Variants in RAB31 observed in about 807,000 individuals in gnomAD.
RAB31 encodes the protein RAB31, member RAS oncogene family.
Under a neutral mutation model 25.6 loss-of-function variants are expected in RAB31, and 21 were observed. The ratio of observed to expected loss-of-function variants is 0.82; its 90% CI spans 0.58 to 1.18. RAB31 has a LOEUF of 1.18. Ranked by LOEUF, RAB31 falls within the 50% of genes most tolerant of loss-of-function variation. The pLI, the probability that RAB31 is intolerant of heterozygous loss-of-function variation, is 0.00. For missense variants in RAB31, 196 were observed against 250.1 expected (o/e 0.78, Z 1.46); for synonymous variants, 87 against 84.0 (o/e 1.04, Z -0.20).
chr18:9,819,035 A>T lies in RAB31; in HGVS notation c.380+3813A>T, dbSNP rs140138613. Among the ~76,000 whole-genome samples, 182 of 152,322 alleles carry T rather than the reference A, an allele frequency of 1.2e-3. 2 individuals are homozygous for T. Among genetic ancestry groups the T allele is most frequent in the African/African-American group, 4.3e-3 (177 of 41,594 alleles). On this transcript the variant is annotated intron_variant, in intron 5 of 6. Transcript: ENST00000578921. ...TATGTATTCTGAATAAAAGTCTCTTATCAAACATGTAATTCGCAAATATTT... is the reference window on the plus strand; with the variant it reads ...TATGTATTCTGAATAAAAGTCTCTTTTCAAACATGTAATTCGCAAATATTT...
intron 1 of RAB31, among the ~76,000 whole-genome samples, chr18:9,757,545 T>C (rs1363610923): frequency 6.6e-6 from 1 of 152,170 alleles, no homozygotes; most frequent in African/African-American, 2.4e-5. Context: ...AGTCCAGAAC[T>C]CTATGGAGAA....
At chr18:9,757,325 A>G (rs1010393789) in intron 1 of RAB31, among the ~76,000 whole-genome samples, 2 of 152,198 alleles carry the variant, frequency 1.3e-5, no homozygotes, top group Admixed American at 1.3e-4. Flanking sequence ...GACATGGAGC[A>G]GGTGCCTGCG....
At chr18:9,853,297 TTAAAA>T (rs1184725442) in intron 6 of RAB31, among the ~76,000 whole-genome samples, 12 of 152,072 alleles carry the variant, frequency 7.9e-5, no homozygotes, top group Non-Finnish European at 1.3e-4. Flanking sequence ...TTTCTAAATG[TTAAAA>T]TAAAAAAAAT....
intron 6 of RAB31, among the ~76,000 whole-genome samples, chr18:9,856,831 AC>A (rs957648129): frequency 1.3e-5 from 2 of 152,194 alleles, no homozygotes; most frequent in Non-Finnish European, 1.5e-5. Context: ...CGACACTGTC[AC>A]CCCTTTCTCT....
intron 1 of RAB31, among the ~76,000 whole-genome samples, chr18:9,740,818 A>G (rs58646923): frequency 0.013 from 1,984 of 152,302 alleles, 43 homozygotes; most frequent in African/African-American, 0.045. Context: ...AAGGGGGTAA[A>G]CAGAAAAACA....
Position 9,859,137 on chromosome 18 carries a change from A to ACATATT in RAB31, c.491-91_491-90insCATATT, listed in dbSNP as rs1555611664. 4.7e-5 allele frequency: 50 copies of ACATATT among 1,072,450 alleles called. No homozygotes were observed. The East Asian group carries it at 1.2e-3, about 26-fold the overall frequency. The allele number at this position is 1,072,450 out of a possible 1,614,324, so 66.4% of individuals were successfully genotyped here. The stretch of plus-strand genomic sequence containing the variant: ...AACACCTTTATTTTGTGCACAGCCC[A>ACATATT]AAGCAGGAGTGTTGAAGCAGGGTGA... On this transcript the variant is annotated intron_variant, in intron 6 of 6. Coordinates refer to ENST00000578921, the MANE Select transcript of RAB31 (RefSeq NM_006868.4).
At chr18:9,764,762 AG>A (rs763774236) in intron 1 of RAB31, among the ~76,000 whole-genome samples, 11 of 151,948 alleles carry the variant, frequency 7.2e-5, no homozygotes, top group Non-Finnish European at 1.6e-4. Flanking sequence ...TCTTTCATGG[AG>A]GGAACTGTGG....
rs368711227 is a variant in RAB31, at chr18:9,784,295, C to T, written c.120-7859C>T. On this transcript the variant is annotated intron_variant, in intron 2 of 6. Coordinates refer to ENST00000578921, the MANE Select transcript of RAB31 (RefSeq NM_006868.4). Reference sequence around the variant, plus strand: ...CCTCAAGTGATCCTGCCACCTTGGCCTCCCAAAGTGCTGGGATTACAGGTG... The same window carrying T: ...CCTCAAGTGATCCTGCCACCTTGGCTTCCCAAAGTGCTGGGATTACAGGTG... Among the ~76,000 whole-genome samples, 5 of 152,138 alleles carry T rather than the reference C, an allele frequency of 3.3e-5. No individual in the cohort carries two copies. The East Asian group carries it at 5.8e-4, about 18-fold the overall frequency.
chr18:9,780,997 T>C (rs1162475826), intron 2 of RAB31, among the ~76,000 whole-genome samples: 1 of 152,190 alleles, frequency 6.6e-6, no homozygotes, highest in Non-Finnish European at 1.5e-5. Flanking sequence ...ATGTACCTCG[T>C]TGGGCATAGA....
intron 6 of RAB31, 117 bp downstream of exon 6, chr18:9,845,808 C>G: frequency 1.5e-6 from 2 of 1,377,906 alleles, no homozygotes; most frequent in Non-Finnish European, 1.9e-6. Flanking sequence ...TTATCGGATG[C>G]CATGGATACA....
chr18:9,787,954 T>G (rs556266745), intron 2 of RAB31: 1 of 152,234 alleles, frequency 6.6e-6, no homozygotes, highest in South Asian at 2.1e-4. Context: ...AGATTAACTT[T>G]CGACATTTCA....
chr18:9,860,870 T>C lies in RAB31; in HGVS notation c.*1545T>C, dbSNP rs1321291920. The C allele has an allele frequency of 6.6e-6, 1 of 152,158 alleles. No homozygotes were observed. Among genetic ancestry groups the C allele is most frequent in the Non-Finnish European group, 1.5e-5 (1 of 68,034 alleles). 9.4% of individuals were successfully genotyped at this position (152,158 alleles called of 1,614,324 possible). On this transcript the variant is annotated 3_prime_UTR_variant, in exon 7 of 7. Coordinates refer to ENST00000578921, the MANE Select transcript of RAB31 (RefSeq NM_006868.4). Reference sequence around the variant, plus strand: ...CAGCACGCTTCCACTTCACTCAACTTAAGAGAGTTCATTGACAGTGTTAGG... The same window carrying C: ...CAGCACGCTTCCACTTCACTCAACTCAAGAGAGTTCATTGACAGTGTTAGG...
At chr18:9,722,619 A>G (rs1026336698) in intron 1 of RAB31, 2 of 152,168 alleles carry the variant, frequency 1.3e-5, no homozygotes, top group African/African-American at 4.8e-5. Flanking sequence ...ATTTGTGTAT[A>G]TTTATACAGT....
chr18:9,710,452 C>G (rs916299809), intron 1 of RAB31, among the ~76,000 whole-genome samples: 3 of 152,200 alleles, frequency 2.0e-5, no homozygotes, highest in Non-Finnish European at 4.4e-5. Flanking sequence ...TTCCTGCAGA[C>G]AGTGCCTTAC....
chr18:9,789,329 A>G (rs1387501465), intron 2 of RAB31, among the ~76,000 whole-genome samples: 2 of 152,208 alleles, frequency 1.3e-5, no homozygotes, highest in African/African-American at 4.8e-5. Flanking sequence ...TGTAGGATGA[A>G]TAAGGCTAAC....
chr18:9,826,173 T>TC (rs1424174235), intron 5 of RAB31, among the ~76,000 whole-genome samples: 6 of 150,138 alleles, frequency 4.0e-5, no homozygotes, highest in Admixed American at 1.3e-4. Flanking sequence ...GGTTGGGAGT[T>TC]CAAGACCAGC....
At chr18:9,839,189 T>A (rs1353498340) in intron 5 of RAB31, among the ~76,000 whole-genome samples, 1 of 152,122 alleles carries the variant, frequency 6.6e-6, no homozygotes, top group African/African-American at 2.4e-5. Context: ...GTGGAGGGGT[T>A]GCCAGACTGA....
At chr18:9,741,991 C>G (rs574975833) in intron 1 of RAB31, among the ~76,000 whole-genome samples, 2 of 152,336 alleles carry the variant, frequency 1.3e-5, no homozygotes, top group South Asian at 4.1e-4. Context: ...AGGGCTGCTG[C>G]TGTCTGCCCT....
intron 5 of RAB31, among the ~76,000 whole-genome samples, chr18:9,824,372 GTA>G (rs2068639264): frequency 6.7e-6 from 1 of 150,202 alleles, no homozygotes; most frequent in Admixed American, 6.6e-5. Flanking sequence ...GTGTGTGTGT[GTA>G]GATGTGTATG....
Sources: gnomAD v4.1 joint callset for allele counts (sites outside exome capture counted in the v4.1 genomes callset) on GRCh38, gnomAD v4.1.1 for gene constraint, MANE v1.5 for transcripts, NCBI Gene and HGNC (gene_info 2026-07-23, HGNC 2026-07-21) for gene names.